The following SGCD variants were observed in gnomAD, a reference collection of about 807,000 sequenced individuals.
The protein encoded by SGCD is delta-sarcoglycan.
SGCD carries 18 observed loss-of-function variants against 36.6 expected under a neutral mutation model. The observed-to-expected ratio is 0.49, with a 90% CI of 0.34 to 0.73. SGCD has a LOEUF of 0.73. Among genes scored for constraint, SGCD ranks in the 30% least tolerant of loss-of-function variants. The probability of loss-of-function intolerance (pLI) is 0.01; values close to 1 mark genes in which losing one functional copy is unlikely to be tolerated. For missense variants in SGCD, 387 were observed against 346.7 expected, an observed-to-expected ratio of 1.12 and a Z score of -0.92; for synonymous variants, 133 against 130.6, an observed-to-expected ratio of 1.02 and a Z score of -0.12.
intron 4 of SGCD, among the ~76,000 whole-genome samples, chr5:156,526,651 A>G (rs1757654614): frequency 1.3e-5 from 2 of 152,200 alleles, no homozygotes; most frequent in Non-Finnish European, 2.9e-5. Context: ...CTATAAGCCC[A>G]TCTGTACTAT....
chr5:156,132,759 C>T (rs917077370), intron 3 of SGCD, among the ~76,000 whole-genome samples: 12 of 152,180 alleles, frequency 7.9e-5, no homozygotes, highest in South Asian at 2.1e-4. Context: ...TGAGCCACCG[C>T]GCCCGGCCCT....
chr5:156,605,239 C>G (rs1162065243), intron 6 of SGCD, among the ~76,000 whole-genome samples: 2 of 152,096 alleles, frequency 1.3e-5, no homozygotes, highest in African/African-American at 4.8e-5. Context: ...TGTGATGTTC[C>G]CCTTCCTGTG....
In SGCD at chr5:155,974,642, T is replaced by C. The variant is rs191695601; in HGVS notation, c.-282+104218T>C. 2.2e-3 allele frequency among the ~76,000 whole-genome samples: 331 copies of C among 151,798 alleles called. 3 individuals are homozygous for C. The highest frequency in any genetic ancestry group is 7.7e-3 in the African/African-American group (321 of 41,470). ...GTTGGACCTGTCTGTGCCCCAGACA[T>C]CATAGGTGGGGACTTTCCTGCTGGA... On this transcript the variant is annotated intron_variant, in intron 1 of 9. Transcript: ENST00000517913.
intron 3 of SGCD, among the ~76,000 whole-genome samples, chr5:156,491,040 C>T (rs1212384456): frequency 6.6e-6 from 1 of 151,882 alleles, no homozygotes; most frequent in Non-Finnish European, 1.5e-5. Flanking sequence ...TTTCTAAACA[C>T]CAATAGAAAA....
At chr5:156,425,270 C>G (rs1773624036) in intron 3 of SGCD, among the ~76,000 whole-genome samples, 1 of 152,006 alleles carries the variant, frequency 6.6e-6, no homozygotes, top group Admixed American at 6.6e-5. Context: ...GGTCACAGTT[C>G]AGAAGAGGAG....
chr5:156,368,370 C>T (rs1033827803), intron 3 of SGCD, among the ~76,000 whole-genome samples: 1 of 152,138 alleles, frequency 6.6e-6, no homozygotes, highest in African/African-American at 2.4e-5. Context: ...GGATTACAGG[C>T]GTGAGCCACT....
intron 3 of SGCD, among the ~76,000 whole-genome samples, chr5:156,247,967 G>A (rs1312474826): frequency 6.6e-6 from 1 of 152,244 alleles, no homozygotes; most frequent in African/African-American, 2.4e-5. Flanking sequence ...TGAAGGAACA[G>A]AGTATGGTTC....
At chr5:156,018,375 T>C (rs973511880) in intron 1 of SGCD, among the ~76,000 whole-genome samples, 1 of 152,174 alleles carries the variant, frequency 6.6e-6, no homozygotes, top group Non-Finnish European at 1.5e-5. Context: ...ACTATGAACA[T>C]GTATATATTT....
At chr5:156,352,411 T>C (rs1171249311) in intron 3 of SGCD, among the ~76,000 whole-genome samples, 1 of 152,234 alleles carries the variant, frequency 6.6e-6, no homozygotes, top group Non-Finnish European at 1.5e-5. Flanking sequence ...GATTATTCTC[T>C]ATACATTTTT....
chr5:156,608,680 A>G (rs1761611037), intron 6 of SGCD, among the ~76,000 whole-genome samples: 1 of 152,088 alleles, frequency 6.6e-6, no homozygotes, highest in African/African-American at 2.4e-5. Flanking sequence ...TGGGATTCTA[A>G]TTCTCTTTGT....
At chr5:155,840,703 A>C in the SGCD span, among the ~76,000 whole-genome samples, 1 of 151,490 alleles carries the variant, frequency 6.6e-6, no homozygotes, top group South Asian at 2.1e-4. Flanking sequence ...TCTTTTATTG[A>C]AGAATGGTAT....
At chr5:155,976,923 A>T (rs1269299556) in intron 1 of SGCD, among the ~76,000 whole-genome samples, 3 of 151,606 alleles carry the variant, frequency 2.0e-5, no homozygotes, top group Non-Finnish European at 4.4e-5. Context: ...CCCCTCCTTC[A>T]TTTTCTAGAC....
At chr5:155,936,878 A>C (rs1580999816) in intron 1 of SGCD, among the ~76,000 whole-genome samples, 1 of 152,274 alleles carries the variant, frequency 6.6e-6, no homozygotes, top group East Asian at 1.9e-4. Flanking sequence ...TGGTGGCTAA[A>C]TTCCGGAGGG....
intron 4 of SGCD, among the ~76,000 whole-genome samples, chr5:156,540,527 A>C (rs1321074323): frequency 6.6e-6 from 1 of 152,174 alleles, no homozygotes; most frequent in Admixed American, 6.6e-5. Context: ...GCATAATTTA[A>C]ATAGACATTT....
At chr5:156,078,374 G>A (rs1254580096) in intron 1 of SGCD, among the ~76,000 whole-genome samples, 2 of 151,590 alleles carry the variant, frequency 1.3e-5, no homozygotes, top group Non-Finnish European at 1.5e-5. Flanking sequence ...TTCGCCGGAT[G>A]TGGTGAGGCT....
intron 2 of SGCD, among the ~76,000 whole-genome samples, chr5:156,336,424 T>A (rs1580838176): frequency 6.6e-6 from 1 of 152,358 alleles, no homozygotes; most frequent in South Asian, 2.1e-4. Flanking sequence ...AAAGTTACAT[T>A]TTCATTATGA....
chr5:156,034,838 C>T (rs555161487), intron 1 of SGCD, among the ~76,000 whole-genome samples: 1 of 152,262 alleles, frequency 6.6e-6, no homozygotes, highest in African/African-American at 2.4e-5. Flanking sequence ...AGCACTTAGT[C>T]AATATTTGTT....
At chr5:155,849,841 T>C in the SGCD span, among the ~76,000 whole-genome samples, 40 of 152,334 alleles carry the variant, frequency 2.6e-4, no homozygotes, top group Non-Finnish European at 5.6e-4. Context: ...GTACAAATGT[T>C]AGTGAAGGTA....
chr5:156,549,221 G>A (rs2113189762), intron 4 of SGCD, among the ~76,000 whole-genome samples: 1 of 152,174 alleles, frequency 6.6e-6, no homozygotes, highest in South Asian at 2.1e-4. Flanking sequence ...ATCACAGATT[G>A]GTACTGAGGG....
Sources: gnomAD v4.1 joint callset for allele counts (sites outside exome capture counted in the v4.1 genomes callset) on GRCh38, gnomAD v4.1.1 for gene constraint, MANE v1.5 for transcripts, NCBI Gene and HGNC (gene_info 2026-07-23, HGNC 2026-07-21) for gene names.